TOP2B: variants seen among roughly 807,000 people sequenced by gnomAD.
The protein encoded by TOP2B is DNA topoisomerase 2-beta.
TOP2B carries 51 observed loss-of-function variants against 193.5 expected under a neutral mutation model. The observed-to-expected ratio is 0.26, with a 90% CI of 0.21 to 0.33. The LOEUF is 0.33. Among genes scored for constraint, TOP2B ranks in the 10% least tolerant of loss-of-function variants. The pLI is 1.00. For missense variants in TOP2B, 1,378 were observed against 1,909.3 expected (o/e 0.72, Z 5.19); for synonymous variants, 634 against 635.7 (o/e 1.00, Z 0.04).
At chr3:25,641,290 A>G (rs909994519) in intron 4 of TOP2B, among the ~76,000 whole-genome samples, 2 of 152,212 alleles carry the variant, frequency 1.3e-5, no homozygotes, top group East Asian at 3.8e-4. Context: ...CAATTTTGAA[A>G]AAAATTCAAA....
chr3:25,650,618 A>C (rs1703559260), intron 1 of TOP2B, among the ~76,000 whole-genome samples: 1 of 152,254 alleles, frequency 6.6e-6, no homozygotes, highest in South Asian at 2.1e-4. Flanking sequence ...TTTTTCATAT[A>C]GAATTGTGGA....
At chr3:25,603,684 A>T (rs1413837943) in intron 33 of TOP2B, among the ~76,000 whole-genome samples, 2 of 152,264 alleles carry the variant, frequency 1.3e-5, no homozygotes, top group Non-Finnish European at 2.9e-5. Context: ...GACAAAAATG[A>T]GACAATGAAG....
At chr3:25,611,487 G>T (rs943391975) in intron 28 of TOP2B, among the ~76,000 whole-genome samples, 1 of 152,166 alleles carries the variant, frequency 6.6e-6, no homozygotes, top group Admixed American at 6.5e-5. Flanking sequence ...GCTCTAGTAA[G>T]AATGAGGCTA....
rs1244491887 is a variant in TOP2B, at chr3:25,598,101, C to A, written c.*206G>T. 1.9e-5 allele frequency: 8 copies of A among 412,898 alleles called. No homozygotes were observed. In the South Asian group the frequency reaches 4.9e-4, roughly 25 times the overall value. 25.6% of individuals were successfully genotyped at this position (412,898 alleles called of 1,614,324 possible). A position where few individuals can be genotyped will look rare whatever the true frequency, so the allele number is the denominator to read the frequency against. On this transcript the variant is annotated 3_prime_UTR_variant, in exon 36 of 36. Transcript: ENST00000264331. The stretch of plus-strand genomic sequence containing the variant: ...GTCTATAACAATTCTACAAGCCAAT[C>A]AGACAGTACGTGACATTTCAATGAG...
chr3:25,626,687 T>A lies in TOP2B; in HGVS notation c.2110-13A>T. On this transcript the variant is annotated splice_polypyrimidine_tract_variant and intron_variant, in intron 17 of 35. Coordinates refer to ENST00000264331, the MANE Select transcript of TOP2B (RefSeq NM_001330700.2). Reference sequence around the variant, plus strand: ...CATATAAAAATTGCTAAGAGAAAAGTTATATAGCAATATTATCATTATTAC... The same window carrying A: ...CATATAAAAATTGCTAAGAGAAAAGATATATAGCAATATTATCATTATTAC... 1 of 1,508,448 alleles carries A rather than the reference T, an allele frequency of 6.6e-7. No homozygotes were observed. The highest frequency in any genetic ancestry group is 9.0e-7 in the Non-Finnish European group (1 of 1,115,412). 93.4% of individuals were successfully genotyped at this position (1,508,448 alleles called of 1,614,324 possible).
chr3:25,655,563 CAA>C (rs1459259358), intron 1 of TOP2B, among the ~76,000 whole-genome samples: 3 of 152,166 alleles, frequency 2.0e-5, no homozygotes, highest in Admixed American at 6.5e-5. Flanking sequence ...AGCAAAATCT[CAA>C]AGAGATATTT....
At chr3:25,647,614 TAA>T (rs61293801) in intron 1 of TOP2B, among the ~76,000 whole-genome samples, 62 of 144,598 alleles carry the variant, frequency 4.3e-4, no homozygotes, top group African/African-American at 1.3e-3. Flanking sequence ...CACACAGGGA[TAA>T]AAAAAAAAAA....
In TOP2B at chr3:25,632,790, C is replaced by A. The variant is rs769567284; in HGVS notation, c.1031G>T (p.Gly344Val). Residue 344 changes from glycine to valine, a missense_variant, in exon 9 of 36, where the codon GGA (glycine) becomes GTA (valine). Gly to Val is a moderately radical substitution (Grantham distance 109, BLOSUM62 -3). Coordinates refer to ENST00000264331, the MANE Select transcript of TOP2B (RefSeq NM_001330700.2). ...FVNSIATTKG[G>V]RHVDYVVDQV... ...ATCTACCACATAATCCACGTGCCGTCCACCCTAAAGAAAAAAAAATATATG... is the reference window on the plus strand; with the variant it reads ...ATCTACCACATAATCCACGTGCCGTACACCCTAAAGAAAAAAAAATATATG... 6.2e-7 allele frequency: 1 copy of A among 1,611,522 alleles called. No homozygotes were observed. Among genetic ancestry groups the A allele is most frequent in the Non-Finnish European group, 8.5e-7 (1 of 1,178,732 alleles).
At chr3:25,626,972 A>C (rs1702818299) in intron 16 of TOP2B, 108 bp from the exon 17 acceptor site, 1 of 757,368 alleles carries the variant, frequency 1.3e-6, no homozygotes, top group Non-Finnish European at 2.1e-6. Context: ...CTGGAAAATT[A>C]GGTTATTTTA....
chr3:25,638,448 A>G (rs1703169647), intron 4 of TOP2B, 138 bp from the exon 5 acceptor site: 2 of 1,089,058 alleles, frequency 1.8e-6, no homozygotes, highest in Non-Finnish European at 2.4e-6. Context: ...GTCATTATCA[A>G]TTGGAAGGCA....
chr3:25,619,820 C>T (rs2125364278), intron 23 of TOP2B, 42 bp downstream of exon 23: 1 of 1,421,986 alleles, frequency 7.0e-7, no homozygotes, highest in Non-Finnish European at 9.9e-7. Flanking sequence ...CGACTTATAC[C>T]ATGCAAGAAA....
chr3:25,615,175 C>A (rs1186970201), intron 27 of TOP2B, 30 bp downstream of exon 27: 2 of 1,571,182 alleles, frequency 1.3e-6, no homozygotes, highest in African/African-American at 2.8e-5. Flanking sequence ...ATGACTTTTC[C>A]AAATAAATTT....
intron 15 of TOP2B, 122 bp from the exon 16 acceptor site, chr3:25,627,418 A>T (rs1702832799): frequency 3.7e-6 from 2 of 535,572 alleles, no homozygotes; most frequent in Non-Finnish European, 6.6e-6. Flanking sequence ...ATACTAAGTG[A>T]TCAATCTTAA....
rs941639397 is a variant in TOP2B at position 25,615,583 on chromosome 3, C to T, written c.3355G>A (p.Ala1119Thr). The T allele has an allele frequency of 1.3e-6, 2 of 1,531,472 alleles. No homozygotes were observed. Among genetic ancestry groups the T allele is most frequent in the South Asian group, 1.3e-5 (1 of 78,296 alleles). 94.9% of individuals were successfully genotyped at this position (1,531,472 alleles called of 1,614,324 possible). A position where few individuals can be genotyped will look rare whatever the true frequency, so the allele number is the denominator to read the frequency against. The change falls in exon 26 of 36, where the codon GCA (alanine) becomes ACA (threonine). Residue 1119 changes from alanine (A) to threonine (T), a missense_variant. Ala to Thr is a moderately conservative substitution (Grantham distance 58). Around this residue, in one of 9 missense-constraint regions of TOP2B, gnomAD observed 556 missense variants for 584.2 expected, o/e 0.95. Coordinates refer to ENST00000264331, the MANE Select transcript of TOP2B (RefSeq NM_001330700.2). ...KAWKEAQEKA[A>T]EEDETQNQHD... ...TGGTTTTGTGTTTCATCCTCTTCTG[C>T]TGCCTGTAAAAAATAACAAACTGTA...
intron 1 of TOP2B, among the ~76,000 whole-genome samples, chr3:25,656,106 A>G (rs1198246901): frequency 1.3e-5 from 2 of 152,218 alleles, no homozygotes; most frequent in Non-Finnish European, 2.9e-5. Context: ...GGAAGAACAT[A>G]GAAATACTGT....
Position 25,626,565 on chromosome 3 carries a change from A to G in TOP2B, c.2219T>C (p.Val740Ala). 2.0e-6 allele frequency: 3 copies of G among 1,476,730 alleles called. No individual in the cohort carries two copies. The highest frequency in any genetic ancestry group is 1.3e-5 in the South Asian group (1 of 74,906). 91.5% of individuals were successfully genotyped at this position (1,476,730 alleles called of 1,614,324 possible). A position where few individuals can be genotyped will look rare whatever the true frequency, so the allele number is the denominator to read the frequency against. ...GGTTTTTAAATATTACTCACCATCA[A>G]CAAGAGATGGTATAGATCTTTCATT... ...SDNERSIPSL[V>A]DGFKPGQRKV... The change falls in exon 18 of 36, where the codon GTT becomes GCT. Residue 740 changes from valine (V) to alanine (A), a missense_variant. Physicochemically the swap from Val to Ala is moderately conservative, Grantham distance 64. Coordinates refer to ENST00000264331, the MANE Select transcript of TOP2B (RefSeq NM_001330700.2).
At chr3:25,626,491 G>A in intron 18 of TOP2B, 69 bp downstream of exon 18, 1 of 839,540 alleles carries the variant, frequency 1.2e-6, no homozygotes, top group Non-Finnish European at 1.8e-6. Flanking sequence ...TCATAAGGAT[G>A]GCTTAAAGTA....
rs565862139 is a variant in TOP2B, at chr3:25,654,742, G to A, written c.70-9272C>T. ...GTGTGGCACTGGCATACAGACAGAAGAGAGAGCACAGAAATAAACCCTTAC... is the reference window on the plus strand; with the variant it reads ...GTGTGGCACTGGCATACAGACAGAAAAGAGAGCACAGAAATAAACCCTTAC... On this transcript the variant is annotated intron_variant, in intron 1 of 35. Coordinates refer to ENST00000264331, the MANE Select transcript of TOP2B (RefSeq NM_001330700.2). 6.6e-5 allele frequency among the ~76,000 whole-genome samples: 10 copies of A among 152,244 alleles called. No homozygotes were observed. The East Asian group carries it at 1.4e-3, about 21-fold the overall frequency.
intron 1 of TOP2B, among the ~76,000 whole-genome samples, chr3:25,660,288 T>A (rs73155377): frequency 0.22 from 33,814 of 152,126 alleles, 5,433 homozygotes; most frequent in African/African-American, 0.46. Flanking sequence ...ACGTATCCAG[T>A]TCTTTGTTTA....
Sources: gnomAD v4.1 joint callset for allele counts (sites outside exome capture counted in the v4.1 genomes callset) on GRCh38, gnomAD v4.1.1 for gene constraint, gnomAD v4.1.1 regional missense constraint, MANE v1.5 for transcripts, NCBI Gene and HGNC (gene_info 2026-07-23, HGNC 2026-07-21) for gene names.